The following AGFG2 variants were observed in gnomAD, a reference collection of about 807,000 sequenced individuals.
The protein encoded by AGFG2 is arf-GAP domain and FG repeat-containing protein 2.
Under a neutral mutation model 48.0 loss-of-function variants are expected in AGFG2, and 31 were observed. The ratio of observed to expected loss-of-function variants is 0.65; its 90% CI spans 0.49 to 0.87. The LOEUF (loss-of-function observed/expected upper bound fraction) is 0.87. Among genes scored for constraint, AGFG2 ranks in the 40% least tolerant of loss-of-function variants. The probability of loss-of-function intolerance (pLI) is 0.00; values close to 1 mark genes in which losing one functional copy is unlikely to be tolerated. For missense variants in AGFG2, 599 were observed against 632.6 expected (o/e 0.95, Z 0.57); for synonymous variants, 229 against 260.8 (o/e 0.88, Z 1.18).
At chr7:100,541,265 T>A (rs979961339) in intron 1 of AGFG2, among the ~76,000 whole-genome samples, 3 of 152,216 alleles carry the variant, frequency 2.0e-5, no homozygotes, top group African/African-American at 7.2e-5. Context: ...TAACCTCCTT[T>A]GCTAAACTTC....
chr7:100,560,846 CTG>C (rs1323420367), intron 6 of AGFG2, among the ~76,000 whole-genome samples: 2 of 130,300 alleles, frequency 1.5e-5, no homozygotes, highest in African/African-American at 5.9e-5. Context: ...GAGTCTCACT[CTG>C]TCGCCCAGGC....
chr7:100,548,982 G>T, intron 2 of AGFG2, 67 bp downstream of exon 2: 10 of 1,323,900 alleles, frequency 7.6e-6, no homozygotes, highest in Non-Finnish European at 8.7e-6. Flanking sequence ...CCTCAAGATT[G>T]TAGGGAAACC....
chr7:100,561,374 G>A (rs1202068538), intron 6 of AGFG2, among the ~76,000 whole-genome samples: 3 of 152,108 alleles, frequency 2.0e-5, no homozygotes, highest in Non-Finnish European at 4.4e-5. Flanking sequence ...TAATCTGCTC[G>A]CCTTGGCCTC....
intron 3 of AGFG2, among the ~76,000 whole-genome samples, chr7:100,550,863 A>ATT (rs200926772): frequency 7.5e-6 from 1 of 133,974 alleles, no homozygotes; most frequent in Admixed American, 7.5e-5. Context: ...TCATTTTATG[A>ATT]TTTTTTTTTT....
In AGFG2 at chr7:100,548,879, G is replaced by A. The variant is rs1337576034; in HGVS notation, c.279G>A (p.Glu93=). Residue 93 remains glutamate (E), a synonymous_variant, in exon 2 of 12, where the codon GAG becomes GAA. Transcript: ENST00000300176. The part of the protein sequence containing the change: ...VKSISMTTFT[E]PEVVFLQSRG... Reference sequence around the variant, plus strand: ...CAATCTCCATGACAACTTTCACTGAGCCTGAAGTAGTATTCCTGCAATCCC... The same window carrying A: ...CAATCTCCATGACAACTTTCACTGAACCTGAAGTAGTATTCCTGCAATCCC... 1.2e-6 allele frequency: 2 copies of A among 1,613,676 alleles called. No individual in the cohort carries two copies. Among genetic ancestry groups the A allele is most frequent in the African/African-American group, 2.7e-5 (2 of 74,874 alleles).
In AGFG2 at chr7:100,554,077, T is replaced by C; in HGVS notation, c.586-16T>C. 6.2e-7 allele frequency: 1 copy of C among 1,608,954 alleles called. No individual in the cohort carries two copies. The highest frequency in any genetic ancestry group is 8.5e-7 in the Non-Finnish European group (1 of 1,177,540). On this transcript the variant is annotated splice_polypyrimidine_tract_variant and intron_variant, in intron 4 of 11. Coordinates refer to ENST00000300176, the MANE Select transcript of AGFG2 (RefSeq NM_006076.5). ...TCTGGGATTCTAAGGGCTGTATGCA[T>C]TCCTTCTCCTCCAAGCCCGTCAGTC...
intron 6 of AGFG2, among the ~76,000 whole-genome samples, chr7:100,560,582 C>G (rs1169572291): frequency 6.6e-6 from 1 of 152,160 alleles, no homozygotes; most frequent in Non-Finnish European, 1.5e-5. Flanking sequence ...AGGAAGCTGG[C>G]AGCCAGCACT....
chr7:100,564,752 C>T (rs1291519913), intron 11 of AGFG2, among the ~76,000 whole-genome samples, 180 bp from the exon 12 acceptor site: 1 of 152,146 alleles, frequency 6.6e-6, no homozygotes, highest in African/African-American at 2.4e-5. Flanking sequence ...GATCAGCCCA[C>T]CTTGGCCTGC....
In AGFG2 at chr7:100,553,410, G is replaced by T; in HGVS notation, c.495G>T (p.Val165=). Residue 165 remains valine (V), a synonymous_variant, in exon 4 of 12, where the codon GTG becomes GTT. Transcript: ENST00000300176. The stretch of plus-strand genomic sequence containing the variant: ...CCAAAGGCAGTGCCTCCACCCCTGT[G>T]CAGGGCTCCATCCCAGAAGGGAAGC... ...TYTKGSASTP[V]QGSIPEGKPL... is the part of the protein sequence containing the mutation. 3 of 1,614,200 alleles carry T rather than the reference G, an allele frequency of 1.9e-6. No individual in the cohort carries two copies. The highest frequency in any genetic ancestry group is 2.5e-6 in the Non-Finnish European group (3 of 1,180,038).
intron 6 of AGFG2, among the ~76,000 whole-genome samples, chr7:100,559,505 T>C (rs1174496194): frequency 6.6e-6 from 1 of 151,998 alleles, no homozygotes; most frequent in Non-Finnish European, 1.5e-5. Context: ...AGGGTAGAAA[T>C]CTAGCTGCGT....
chr7:100,539,212 C>G lies in AGFG2; in HGVS notation c.-135C>G. The stretch of plus-strand genomic sequence containing the variant: ...GACGGGCAAGGAGGGTGGTGGACGG[C>G]GAAGTCTCCTGCGGATGCCGCCCGC... On this transcript the variant is annotated 5_prime_UTR_variant, in exon 1 of 12. Coordinates refer to ENST00000300176, the MANE Select transcript of AGFG2 (RefSeq NM_006076.5). 1.1e-6 allele frequency: 1 copy of G among 873,144 alleles called. No individual in the cohort carries two copies. The highest frequency in any genetic ancestry group is 1.5e-6 in the Non-Finnish European group (1 of 650,290). 54.1% of individuals were successfully genotyped at this position (873,144 alleles called of 1,614,324 possible).
rs766172524 is a variant in AGFG2 at position 100,554,172 on chromosome 7, G to C, written c.665G>C (p.Ser222Thr). ...CCCCACTCCTCTGTCAAAAAAGCCA[G>C]TACTGACCTGCTGGCTGACATCGGT... ...PPPHSSVKKASTDLLADIGGD... is the reference protein window; with the variant it reads ...PPPHSSVKKATTDLLADIGGD... The change falls in exon 5 of 12, where the codon AGT (serine) becomes ACT (threonine). Residue 222 changes from serine (S) to threonine (T), a missense_variant. Transcript: ENST00000300176. The C allele has an allele frequency of 3.1e-6, 5 of 1,614,218 alleles. No homozygotes were observed. The South Asian group carries it at 4.4e-5, about 14-fold the overall frequency.
intron 11 of AGFG2, 100 bp from the exon 12 acceptor site, chr7:100,564,832 A>G (rs1800969360): frequency 7.4e-7 from 1 of 1,351,324 alleles, no homozygotes; most frequent in South Asian, 1.2e-5. Context: ...CACTGCCCTC[A>G]GCATAGCGAT....
rs1281565110 is a variant in AGFG2, at chr7:100,565,359, G to A, written c.*368G>A. 1 of 274,074 alleles carries A rather than the reference G, an allele frequency of 3.6e-6. No homozygotes were observed. Among genetic ancestry groups the A allele is most frequent in the African/African-American group, 2.2e-5 (1 of 44,944 alleles). 17.0% of individuals were successfully genotyped at this position (274,074 alleles called of 1,614,324 possible). ...GGACGGGAGCGCAGTGGGGAAGGTA[G>A]GGGAAAGATGAGGCACAGTGTTGAT... is the stretch of plus-strand genomic sequence containing the variant. On this transcript the variant is annotated 3_prime_UTR_variant, in exon 12 of 12. Coordinates refer to ENST00000300176, the MANE Select transcript of AGFG2 (RefSeq NM_006076.5).
At chr7:100,546,437 C>T (rs932587156) in intron 1 of AGFG2, among the ~76,000 whole-genome samples, 13 of 152,184 alleles carry the variant, frequency 8.5e-5, no homozygotes, top group African/African-American at 3.1e-4. Context: ...CTTCCTTCCG[C>T]AACTGCTGCA....
intron 1 of AGFG2, among the ~76,000 whole-genome samples, chr7:100,542,768 T>A (rs1403464477): frequency 6.6e-6 from 1 of 152,120 alleles, no homozygotes; most frequent in African/African-American, 2.4e-5. Flanking sequence ...TGATTACCTG[T>A]AGATTAGGGT....
chr7:100,540,681 CTTATT>C (rs896598581), intron 1 of AGFG2, among the ~76,000 whole-genome samples: 56 of 152,208 alleles, frequency 3.7e-4, no homozygotes, highest in African/African-American at 1.3e-3. Flanking sequence ...ATTTTTTAGT[CTTATT>C]TTAAGACACT....
In AGFG2 at chr7:100,544,758, G is replaced by C. The variant is rs1454604613; in HGVS notation, c.222-4064G>C. Among the ~76,000 whole-genome samples, 5 of 152,048 alleles carry C rather than the reference G, an allele frequency of 3.3e-5. No homozygotes were observed. In the South Asian group the frequency reaches 8.3e-4, roughly 25 times the overall value. On this transcript the variant is annotated intron_variant, in intron 1 of 11. Transcript: ENST00000300176. ...GTGGTGGGCGGGGGGGTGGGGATGAGAGAGGTGAGGGCAGAGGGAGACATG... is the reference window on the plus strand; with the variant it reads ...GTGGTGGGCGGGGGGGTGGGGATGACAGAGGTGAGGGCAGAGGGAGACATG...
chr7:100,553,202 T>A, intron 3 of AGFG2, 145 bp from the exon 4 acceptor site: 1 of 1,047,082 alleles, frequency 9.6e-7, no homozygotes. Flanking sequence ...AGAACTTTGC[T>A]AAGTTGCTCG....
Sources: gnomAD v4.1 joint callset for allele counts (sites outside exome capture counted in the v4.1 genomes callset) on GRCh38, gnomAD v4.1.1 for gene constraint, MANE v1.5 for transcripts, NCBI Gene and HGNC (gene_info 2026-07-23, HGNC 2026-07-21) for gene names.